SLC24A2: variants seen among roughly 807,000 people sequenced by gnomAD.
SLC24A2 encodes sodium/potassium/calcium exchanger 2.
Under a neutral mutation model 62.0 loss-of-function variants are expected in SLC24A2, and 36 were observed. That is an observed-to-expected ratio of 0.58 (90% CI 0.44 to 0.77). The LOEUF is 0.77. Ranked by LOEUF, SLC24A2 falls within the 30% of genes least tolerant of loss-of-function variation. The pLI is 0.00. For missense variants in SLC24A2, 846 were observed against 817.9 expected (o/e 1.03, Z -0.42); for synonymous variants, 358 against 294.0 (o/e 1.22, Z -2.23).
intron 10 of SLC24A2, among the ~76,000 whole-genome samples, chr9:19,518,219 G>A (rs1314661946): frequency 6.6e-6 from 1 of 151,998 alleles, no homozygotes; most frequent in South Asian, 2.1e-4. Context: ...TAAATGTAAT[G>A]TTATATAGCT....
chr9:19,643,227 C>G (rs572910840), intron 2 of SLC24A2, among the ~76,000 whole-genome samples: 1 of 152,210 alleles, frequency 6.6e-6, no homozygotes, highest in East Asian at 1.9e-4. Flanking sequence ...CTGCATTTTA[C>G]TAAACTCATT....
chr9:19,563,484 T>C (rs1332610051), intron 7 of SLC24A2, among the ~76,000 whole-genome samples: 2 of 152,162 alleles, frequency 1.3e-5, no homozygotes, highest in East Asian at 3.9e-4. Flanking sequence ...TTACTAAGGA[T>C]AATATTTTAG....
At chr9:19,683,595 T>C (rs1819787411) in intron 2 of SLC24A2, among the ~76,000 whole-genome samples, 1 of 152,058 alleles carries the variant, frequency 6.6e-6, no homozygotes, top group South Asian at 2.1e-4. Context: ...AAATGTGTGT[T>C]CAACCAAACC....
chr9:19,989,388 G>C, the SLC24A2 span, among the ~76,000 whole-genome samples: 4 of 152,032 alleles, frequency 2.6e-5, no homozygotes, highest in Non-Finnish European at 5.9e-5. Flanking sequence ...ACATAATGCT[G>C]ACACATCATA....
At chr9:19,852,232 T>C in the SLC24A2 span, among the ~76,000 whole-genome samples, 5 of 152,222 alleles carry the variant, frequency 3.3e-5, no homozygotes, top group Non-Finnish European at 5.9e-5. Flanking sequence ...ATCAGACCTC[T>C]GTCAGATGAA....
chr9:19,775,667 C>T (rs1292116767), intron 2 of SLC24A2, among the ~76,000 whole-genome samples: 1 of 152,126 alleles, frequency 6.6e-6, no homozygotes, highest in Admixed American at 6.5e-5. Context: ...AAATTAATTA[C>T]TAAAAGGAAA....
At chr9:20,223,307 G>C in the SLC24A2 span, among the ~76,000 whole-genome samples, 1 of 152,120 alleles carries the variant, frequency 6.6e-6, no homozygotes, top group Non-Finnish European at 1.5e-5. Context: ...ATATCATAAA[G>C]ATATCATCTT....
the SLC24A2 span, among the ~76,000 whole-genome samples, chr9:19,988,063 C>T: frequency 6.6e-6 from 1 of 152,186 alleles, no homozygotes; most frequent in South Asian, 2.1e-4. Flanking sequence ...TTATTCACAT[C>T]TGGAAAACAT....
chr9:20,134,471 A>G, the SLC24A2 span, among the ~76,000 whole-genome samples: 3 of 152,148 alleles, frequency 2.0e-5, no homozygotes, highest in African/African-American at 7.2e-5. Context: ...AGCAACTTCC[A>G]GCAGAGTTGA....
intron 7 of SLC24A2, 129 bp from the exon 8 acceptor site, chr9:19,550,397 C>T: frequency 2.4e-6 from 2 of 848,710 alleles, no homozygotes; most frequent in South Asian, 1.5e-5. Context: ...CCAGTAGCTT[C>T]ATATGTGTGA....
chr9:20,204,905 G>A, the SLC24A2 span, among the ~76,000 whole-genome samples: 15 of 151,824 alleles, frequency 9.9e-5, no homozygotes, highest in East Asian at 1.6e-3. Flanking sequence ...CACCACACTC[G>A]GCTAATTTTT....
chr9:20,048,201 T>C, the SLC24A2 span, among the ~76,000 whole-genome samples: 1 of 152,248 alleles, frequency 6.6e-6, no homozygotes, highest in Non-Finnish European at 1.5e-5. Context: ...CACTGTTACA[T>C]CTCTGTAATG....
At chr9:20,017,124 G>A in the SLC24A2 span, among the ~76,000 whole-genome samples, 1 of 152,254 alleles carries the variant, frequency 6.6e-6, no homozygotes, top group Non-Finnish European at 1.5e-5. Context: ...TTGACTTCAA[G>A]CAATTTGTGT....
At chr9:19,894,966 G>A in the SLC24A2 span, among the ~76,000 whole-genome samples, 14 of 152,022 alleles carry the variant, frequency 9.2e-5, no homozygotes, top group South Asian at 1.0e-3. Flanking sequence ...TTTCTTCCCC[G>A]ACAACCTAAA....
intron 7 of SLC24A2, among the ~76,000 whole-genome samples, chr9:19,554,707 C>CTCCT (rs1314629763): frequency 3.3e-5 from 5 of 152,172 alleles, no homozygotes; most frequent in Non-Finnish European, 7.3e-5. Flanking sequence ...TGCACCCTTC[C>CTCCT]TCCTTCCTTC....
At chr9:19,908,165 C>T in the SLC24A2 span, among the ~76,000 whole-genome samples, 2 of 152,180 alleles carry the variant, frequency 1.3e-5, no homozygotes, top group Non-Finnish European at 1.5e-5. Context: ...GAACAGAGCC[C>T]TCAGAAACAA....
At chr9:19,777,248 A>G (rs7860443) in intron 2 of SLC24A2, among the ~76,000 whole-genome samples, 5,996 of 152,270 alleles carry the variant, frequency 0.039, 372 homozygotes, top group African/African-American at 0.14. Context: ...CTTCATAAAC[A>G]TATGTTTCAA....
At chr9:19,997,757 T>C in the SLC24A2 span, among the ~76,000 whole-genome samples, 2 of 152,246 alleles carry the variant, frequency 1.3e-5, no homozygotes, top group Non-Finnish European at 2.9e-5. Context: ...TCTTACTTGA[T>C]GACATGGTTG....
At chr9:20,145,994 A>G in the SLC24A2 span, among the ~76,000 whole-genome samples, 2 of 152,106 alleles carry the variant, frequency 1.3e-5, no homozygotes, top group African/African-American at 2.4e-5. Context: ...GTTGCATAGT[A>G]TGGCATTAAA....
Sources: allele counts gnomAD v4.1 joint callset (sites outside exome capture counted in the v4.1 genomes callset), GRCh38; gene constraint gnomAD v4.1.1; transcripts MANE v1.5; gene names NCBI Gene and HGNC (gene_info 2026-07-23, HGNC 2026-07-21).